DISP1: variants seen among roughly 807,000 people sequenced by gnomAD.
The protein encoded by DISP1 is dispatched RND transporter family member 1, also known as protein dispatched homolog 1.
DISP1 carries 30 observed loss-of-function variants against 37.3 expected under a neutral mutation model. The observed-to-expected ratio is 0.80, with a 90% CI of 0.60 to 1.09. The LOEUF is 1.09. DISP1 is among the 50% of genes least tolerant of loss of function. The pLI, the probability that DISP1 is intolerant of heterozygous loss-of-function variation, is 0.00. For synonymous variants in DISP1, 634 were observed against 690.2 expected (o/e 0.92, Z 1.28); for missense variants, 1,598 against 1,879.5 (o/e 0.85, Z 2.77).
chr1:222,853,156 G>C (rs946380120), intron 1 of DISP1, among the ~76,000 whole-genome samples: 1 of 152,154 alleles, frequency 6.6e-6, no homozygotes, highest in African/African-American at 2.4e-5. Context: ...TTGGTGGCAG[G>C]CCATGATTTT....
chr1:222,820,793 A>G (rs2125139853), intron 1 of DISP1, among the ~76,000 whole-genome samples: 1 of 152,332 alleles, frequency 6.6e-6, no homozygotes, highest in East Asian at 1.9e-4. Context: ...TAATGTGCTT[A>G]GCATAATGCC....
At chr1:222,884,742 A>G (rs1039357696) in intron 1 of DISP1, among the ~76,000 whole-genome samples, 2 of 152,190 alleles carry the variant, frequency 1.3e-5, no homozygotes, top group African/African-American at 4.8e-5. Flanking sequence ...TTTTCCCTTC[A>G]TGATTAATGA....
At chr1:222,850,140 G>T (rs912939161) in intron 1 of DISP1, among the ~76,000 whole-genome samples, 15 of 152,136 alleles carry the variant, frequency 9.9e-5, no homozygotes, top group African/African-American at 3.6e-4. Context: ...TAAAAAAAAT[G>T]CTTAGCATGT....
intron 1 of DISP1, among the ~76,000 whole-genome samples, chr1:222,887,439 A>G (rs1341651254): frequency 6.6e-6 from 1 of 151,576 alleles, no homozygotes; most frequent in Non-Finnish European, 1.5e-5. Flanking sequence ...AGTTTTAAAC[A>G]TAATAGTTTC....
intron 1 of DISP1, among the ~76,000 whole-genome samples, chr1:222,841,437 TACTC>T (rs1398618656): frequency 1.3e-5 from 2 of 152,188 alleles, no homozygotes; most frequent in African/African-American, 2.4e-5. Flanking sequence ...AGAAGTTAGG[TACTC>T]ACTCAAGGTT....
At chr1:222,849,053 CAA>C (rs1489044556) in intron 1 of DISP1, among the ~76,000 whole-genome samples, 3 of 152,068 alleles carry the variant, frequency 2.0e-5, no homozygotes, top group South Asian at 4.2e-4. Flanking sequence ...GTGTAGTCCT[CAA>C]GAGTGAATGT....
chr1:222,942,383 TG>T (rs1326968237), intron 2 of DISP1, among the ~76,000 whole-genome samples: 1 of 152,126 alleles, frequency 6.6e-6, no homozygotes, highest in Non-Finnish European at 1.5e-5. Context: ...ACCCTCAGAG[TG>T]GCCCTTCATT....
At chr1:222,855,321 T>C (rs1668488710) in intron 1 of DISP1, among the ~76,000 whole-genome samples, 1 of 152,220 alleles carries the variant, frequency 6.6e-6, no homozygotes, top group Non-Finnish European at 1.5e-5. Context: ...CGTTGGGAAC[T>C]AGTTAAGATC....
chr1:222,908,843 T>A (rs1672056131), intron 1 of DISP1, among the ~76,000 whole-genome samples: 1 of 152,084 alleles, frequency 6.6e-6, no homozygotes, highest in Non-Finnish European at 1.5e-5. Flanking sequence ...ATACCCTGAT[T>A]AATTTTTAGT....
rs375058417 is a variant in DISP1, at chr1:222,888,983, A to G, written c.-158-39447A>G. Among the ~76,000 whole-genome samples the G allele has an allele frequency of 6.8e-4, 104 of 152,254 alleles. No homozygotes were observed. In the East Asian group the frequency reaches 8.3e-3, roughly 12 times the overall value. The stretch of plus-strand genomic sequence containing the variant: ...GTTTCTATACATATAATGTATAGTG[A>G]TCAATCTGATTACTTGGAATATCCA... On this transcript the variant is annotated intron_variant, in intron 1 of 8. Coordinates refer to ENST00000675850, the MANE Select transcript of DISP1 (RefSeq NM_001377229.1).
intron 2 of DISP1, among the ~76,000 whole-genome samples, chr1:222,936,987 TATA>T (rs528225293): frequency 0.11 from 10,896 of 99,176 alleles, 793 homozygotes; most frequent in Non-Finnish European, 0.16. Context: ...TTATAATATA[TATA>T]ATATTATATA....
intron 3 of DISP1, among the ~76,000 whole-genome samples, chr1:222,968,933 CA>C (rs909779581): frequency 2.0e-5 from 3 of 147,458 alleles, no homozygotes; most frequent in Non-Finnish European, 3.0e-5. Flanking sequence ...AACTCTGTCT[CA>C]AAAAAAAAGG....
rs67660273 is a variant in DISP1 at position 222,984,435 on chromosome 1, T to TATATATATATATAG, written c.539+1327_539+1328insTATATATATATAGA. 1.6e-4 allele frequency among the ~76,000 whole-genome samples: 17 copies of TATATATATATATAG among 108,372 alleles called. 1 individual carries two copies. Among genetic ancestry groups the TATATATATATATAG allele is most frequent in the South Asian group, 3.2e-4 (1 of 3,094 alleles). 71.1% of individuals were successfully genotyped at this position (108,372 alleles called of 152,430 possible). A position where few individuals can be genotyped will look rare whatever the true frequency, so the allele number is the denominator to read the frequency against. On this transcript the variant is annotated intron_variant, in intron 4 of 8. Transcript: ENST00000675850. ...AAAAAAAAAAAAATATATATATATA[T>TATATATATATATAG]AGAGAGAGAGAGAGAGAGAGAGAGC...
chr1:223,004,174 A>G lies in DISP1; in HGVS notation c.2777A>G (p.Glu926Gly). The change falls in exon 9 of 9, where the codon GAG (glutamate) becomes GGG (glycine). Residue 926 changes from glutamate (E) to glycine (G), a missense_variant. Coordinates refer to ENST00000675850, the MANE Select transcript of DISP1 (RefSeq NM_001377229.1). This position sits in a 1 kb window ranked among gnomAD's most constrained non-coding sequence, Gnocchi z 4.9. Reference protein sequence around the residue: ...INDTIRAVVLEFQSTYLFTLA... With the variant: ...INDTIRAVVLGFQSTYLFTLA... ...GATACTATCAGGGCAGTGGTGTTAG[A>G]GTTCCAGAGTACCTACCTCTTCACA... 1 of 1,614,214 alleles carries G rather than the reference A, an allele frequency of 6.2e-7. No homozygotes were observed. The highest frequency in any genetic ancestry group is 8.5e-7 in the Non-Finnish European group (1 of 1,180,020).
chr1:222,885,573 A>T (rs1314815257), intron 1 of DISP1, among the ~76,000 whole-genome samples: 1 of 149,980 alleles, frequency 6.7e-6, no homozygotes, highest in African/African-American at 2.5e-5. Context: ...GGCTCAAGTG[A>T]TCCTCCTGCC....
chr1:222,978,394 T>G (rs1677564649), intron 3 of DISP1, among the ~76,000 whole-genome samples: 2 of 152,216 alleles, frequency 1.3e-5, no homozygotes, highest in Admixed American at 1.3e-4. Context: ...TAAATTTGTT[T>G]GAGTTCATTG....
chr1:222,873,280 T>C (rs1223046889), intron 1 of DISP1, among the ~76,000 whole-genome samples: 1 of 152,104 alleles, frequency 6.6e-6, no homozygotes, highest in Non-Finnish European at 1.5e-5. Context: ...TCTGTAGAGG[T>C]TTATTAGGTC....
At chr1:222,826,201 G>T (rs916763831) in intron 1 of DISP1, among the ~76,000 whole-genome samples, 4 of 152,130 alleles carry the variant, frequency 2.6e-5, no homozygotes, top group Non-Finnish European at 5.9e-5. Flanking sequence ...ACCATGCCCA[G>T]CCTGGGTTTT....
chr1:222,830,307 C>T (rs909156740), intron 1 of DISP1, among the ~76,000 whole-genome samples: 5 of 151,640 alleles, frequency 3.3e-5, no homozygotes, highest in Admixed American at 1.3e-4. Context: ...GGTTTTGGAA[C>T]TTTTCTCCCT....
Sources: gnomAD v4.1 joint callset for allele counts (sites outside exome capture counted in the v4.1 genomes callset) on GRCh38, gnomAD v4.1.1 for gene constraint, Gnocchi (gnomAD v3.1) non-coding constraint, MANE v1.5 for transcripts, NCBI Gene and HGNC (gene_info 2026-07-23, HGNC 2026-07-21) for gene names.